TGM1: variants seen among roughly 807,000 people sequenced by gnomAD.
The protein encoded by TGM1 is protein-glutamine gamma-glutamyltransferase K.
A neutral mutation model predicts 88.7 loss-of-function variants in TGM1; 63 were observed. The ratio of observed to expected loss-of-function variants is 0.71; its 90% confidence interval spans 0.58 to 0.88. The LOEUF (loss-of-function observed/expected upper bound fraction) is 0.88. Among genes scored for constraint, TGM1 ranks in the 40% least tolerant of loss-of-function variants. The pLI is 0.00. For synonymous variants in TGM1, 415 were observed against 431.1 expected (o/e 0.96, Z 0.46); for missense variants, 996 against 1,118.0 (o/e 0.89, Z 1.56).
In TGM1 at chr14:24,255,527, G is replaced by T. The variant is rs2040743722; in HGVS notation, c.1492-10C>A. On this transcript the variant is annotated splice_polypyrimidine_tract_variant and intron_variant, in intron 10 of 14. Coordinates refer to ENST00000206765, the MANE Select transcript of TGM1 (RefSeq NM_000359.3). The surrounding 1 kb of genome is among the most constrained non-coding windows in gnomAD (Gnocchi z 4.0). ...CCTTGTCACTATTCACCTGTGGGGG[G>T]TGGGGGTGAGCAGGAATGAGTGAGC... 1.2e-6 allele frequency: 2 copies of T among 1,612,612 alleles called. No homozygotes were observed. Among genetic ancestry groups the T allele is most frequent in the Non-Finnish European group, 1.7e-6 (2 of 1,180,026 alleles).
At chr14:24,250,179 T>TGTGTGTGAGAGAGAGAGAGAGA (rs138497842) in intron 14 of TGM1, among the ~76,000 whole-genome samples, 1 of 140,700 alleles carries the variant, frequency 7.1e-6, no homozygotes, top group African/African-American at 2.7e-5. Flanking sequence ...TGTGTGTGTG[T>TGTGTGTGAGAGAGAGAGAGAGA]GAGAGAGACA....
intron 9 of TGM1, 78 bp downstream of exon 9, chr14:24,258,207 G>T: frequency 1.5e-6 from 2 of 1,294,646 alleles, no homozygotes; most frequent in South Asian, 1.2e-5. Context: ...GCCCGGCCCA[G>T]CACTGACACT....
intron 9 of TGM1, among the ~76,000 whole-genome samples, chr14:24,256,510 TGCTGGCTGGGAGAGCGAGGACACCACC>T: frequency 6.6e-6 from 1 of 152,352 alleles, no homozygotes; most frequent in South Asian, 2.1e-4. Flanking sequence ...TGGCCCTGCC[TGCTGGCTGGGAGAGCGAGGACACCACC>T]GCCACCACCA....
chr14:24,256,238 T>C (rs2040750449), intron 9 of TGM1, among the ~76,000 whole-genome samples, 161 bp from the exon 10 acceptor site: 1 of 152,070 alleles, frequency 6.6e-6, no homozygotes, highest in African/African-American at 2.4e-5. Context: ...ACCCAAACAC[T>C]TGGGGGTCAG....
Position 24,260,563 on chromosome 14 carries a change from G to A in TGM1, c.644C>T (p.Ala215Val), listed in dbSNP as rs1358709022. 1.2e-6 allele frequency: 2 copies of A among 1,614,110 alleles called. No individual in the cohort carries two copies. Among genetic ancestry groups the A allele is most frequent in the Non-Finnish European group, 1.7e-6 (2 of 1,180,052 alleles). Reference sequence around the variant, plus strand: ...TGTGAACTGAAACTTGCCGATGATGGCGTTGGGGGAAGTGTGGACCCGCAG... The same window carrying A: ...TGTGAACTGAAACTTGCCGATGATGACGTTGGGGGAAGTGTGGACCCGCAG... ...LNLRVHTSPNAIIGKFQFTVR... is the reference protein window; with the variant it reads ...LNLRVHTSPNVIIGKFQFTVR... The change falls in exon 4 of 15, where the codon GCC becomes GTC. Residue 215 changes from alanine (A) to valine (V), a missense_variant. Coordinates refer to ENST00000206765, the MANE Select transcript of TGM1 (RefSeq NM_000359.3).
At chr14:24,258,141 G>C in intron 9 of TGM1, 144 bp downstream of exon 9, 1 of 630,280 alleles carries the variant, frequency 1.6e-6, no homozygotes, top group Non-Finnish European at 2.9e-6. Context: ...TCCACGTGGT[G>C]GTTCAGCTGA....
At position 24,254,067 on chromosome 14, in the gene TGM1, CAG is replaced by C. The variant is rs1226314209; in HGVS notation, c.2225+83_2225+84del. On this transcript the variant is annotated intron_variant, in intron 14 of 14. Coordinates refer to ENST00000206765, the MANE Select transcript of TGM1 (RefSeq NM_000359.3). ...TCCTGACAGAACATACTTGTCCAGACAGAGAGGGAGCAAAGCTGGGAGCCAGG... is the reference window on the plus strand; with the variant it reads ...TCCTGACAGAACATACTTGTCCAGACAGAGGGAGCAAAGCTGGGAGCCAGG... 1.5e-5 allele frequency: 23 copies of C among 1,543,836 alleles called. No homozygotes were observed. In the African/African-American group the frequency reaches 2.0e-4, roughly 14 times the overall value.
intron 1 of TGM1, 42 bp from the exon 2 acceptor site, chr14:24,262,396 C>G: frequency 6.2e-7 from 1 of 1,603,166 alleles, no homozygotes; most frequent in Non-Finnish European, 8.5e-7. Flanking sequence ...CCAGGTAGTC[C>G]CAGCCAGTTG....
intron 14 of TGM1, among the ~76,000 whole-genome samples, chr14:24,253,504 G>T (rs1353194423): frequency 6.6e-6 from 1 of 152,056 alleles, no homozygotes; most frequent in African/African-American, 2.4e-5. Context: ...GACACACGGG[G>T]TCTCACTCTG....
At position 24,261,774 on chromosome 14, in the gene TGM1, G is replaced by A. The variant is rs144989372; in HGVS notation, c.429C>T (p.Arg143=). The A allele has an allele frequency of 4.3e-4, 694 of 1,614,146 alleles. 3 individuals carry two copies. The African/African-American group carries it at 7.5e-3, about 17-fold the overall frequency. Residue 143 remains arginine (R), a synonymous_variant, in exon 3 of 15, where the codon CGC becomes CGT. Transcript: ENST00000206765. ...GGAGGAGCATATGGAAAGGCTGCCC[G>A]CGGCGCACTATCAGCTCGTCGTACT... ...EYEYDELIVR[R]GQPFHMLLLL... is the part of the protein sequence containing the mutation.
At chr14:24,258,983 T>C in intron 7 of TGM1, 92 bp downstream of exon 7, 1 of 1,483,478 alleles carries the variant, frequency 6.7e-7, no homozygotes, top group African/African-American at 1.4e-5. Context: ...CACCCTGCAC[T>C]GTAGCCACAT....
rs1594568541 is a variant in TGM1 at position 24,256,042 on chromosome 14, T to TG, written c.1437dup (p.Ile480HisfsTer18). The TG allele has an allele frequency of 6.4e-7, 1 of 1,571,466 alleles. No individual in the cohort carries two copies. The highest frequency in any genetic ancestry group is 1.8e-5 in the Admixed American group (1 of 54,210). On this transcript the variant is annotated frameshift_variant, in exon 10 of 15. Transcript: ENST00000206765. LOFTEE classifies it high-confidence loss of function. ...TTCATGTAGACCAGGCCATTCTTGA[T>TG]GGACTCCACAGAGCAGGGGCCGCAG... is the stretch of plus-strand genomic sequence containing the variant.
chr14:24,254,759 T>C lies in TGM1; in HGVS notation c.1993A>G (p.Met665Val), dbSNP rs745449766. Residue 665 changes from methionine to valine, a missense_variant, in exon 13 of 15, where the codon ATG becomes GTG. Met to Val is a conservative substitution (Grantham distance 21). Coordinates refer to ENST00000206765, the MANE Select transcript of TGM1 (RefSeq NM_000359.3). ...ACGTGGCCTGAGACATTGAGCAGCATGGCCCCCTGGTCCACAAGATGGGGC... is the reference window on the plus strand; with the variant it reads ...ACGTGGCCTGAGACATTGAGCAGCACGGCCCCCTGGTCCACAAGATGGGGC... ...YRPHLVDQGA[M>V]LLNVSGHVKE... 5.6e-6 allele frequency: 9 copies of C among 1,614,052 alleles called. No homozygotes were observed. The highest frequency in any genetic ancestry group is 2.2e-5 in the South Asian group (2 of 91,086).
At position 24,259,645 on chromosome 14, in the gene TGM1, G is replaced by C; in HGVS notation, c.984+59C>G. 7.2e-7 allele frequency: 1 copy of C among 1,391,562 alleles called. No individual in the cohort carries two copies. Among genetic ancestry groups the C allele is most frequent in the African/African-American group, 1.4e-5 (1 of 70,310 alleles). 86.2% of individuals were successfully genotyped at this position (1,391,562 alleles called of 1,614,324 possible). ...TCCAGAAAGGGCAGGAGGAGGGTGGGGGTGTGGCGAGGCAGCAGGCACACA... is the reference window on the plus strand; with the variant it reads ...TCCAGAAAGGGCAGGAGGAGGGTGGCGGTGTGGCGAGGCAGCAGGCACACA... On this transcript the variant is annotated intron_variant, in intron 6 of 14. Transcript: ENST00000206765. The surrounding 1 kb of genome is among the most constrained non-coding windows in gnomAD (Gnocchi z 5.7).
At chr14:24,256,142 G>A in intron 9 of TGM1, 65 bp from the exon 10 acceptor site, 1 of 1,371,654 alleles carries the variant, frequency 7.3e-7, no homozygotes, top group Non-Finnish European at 1.0e-6. Context: ...TCAGACCCTG[G>A]GTAAGGTCCA....
chr14:24,262,002 G>A lies in TGM1; in HGVS notation c.319+32C>T, dbSNP rs187600739. On this transcript the variant is annotated intron_variant, in intron 2 of 14. Transcript: ENST00000206765. The stretch of plus-strand genomic sequence containing the variant: ...TCTCTGGTCCCATTAAAGCCTTTTA[G>A]CTCTCAGCTGAGGAGGACAGACCGG... 366 of 1,612,344 alleles carry A rather than the reference G, an allele frequency of 2.3e-4. 1 individual carries two copies. In the African/African-American group the frequency reaches 4.5e-3, roughly 20 times the overall value.
At position 24,260,703 on chromosome 14, in the gene TGM1, A is replaced by G. The variant is rs762617957; in HGVS notation, c.509-5T>C. On this transcript the variant is annotated splice_polypyrimidine_tract_variant and splice_region_variant and intron_variant, in intron 3 of 14. Coordinates refer to ENST00000206765, the MANE Select transcript of TGM1 (RefSeq NM_000359.3). ...TGCCCACCTCGGGGTTGTTTCCTAG[A>G]GTAGGAAATCAGCAATTAGCTGGCA... 6.2e-7 allele frequency: 1 copy of G among 1,614,010 alleles called. No individual in the cohort carries two copies. The highest frequency in any genetic ancestry group is 8.5e-7 in the Non-Finnish European group (1 of 1,179,996).
Position 24,256,058 on chromosome 14 carries a change from G to T in TGM1, c.1422C>A (p.Pro474=). Residue 474 remains proline, a synonymous_variant, in exon 10 of 15, where the codon CCC becomes CCA. Transcript: ENST00000206765. Reference sequence around the variant, plus strand: ...CATTCTTGATGGACTCCACAGAGCAGGGGCCGCAGCAGAAGATGCCTAGAG... The same window carrying T: ...CATTCTTGATGGACTCCACAGAGCATGGGCCGCAGCAGAAGATGCCTAGAG... The part of the protein sequence containing the change: ...ETSSGIFCCG[P]CSVESIKNGL... The T allele has an allele frequency of 6.4e-7, 1 of 1,568,886 alleles. No individual in the cohort carries two copies. The highest frequency in any genetic ancestry group is 8.7e-7 in the Non-Finnish European group (1 of 1,155,762).
rs538295056 is a variant in TGM1 at position 24,255,210 on chromosome 14, G to A, written c.1689C>T (p.His563=). 7 of 1,613,820 alleles carry A rather than the reference G, an allele frequency of 4.3e-6. No individual in the cohort carries two copies. Among genetic ancestry groups the A allele is most frequent in the East Asian group, 4.5e-5 (2 of 44,880 alleles). The part of the protein sequence containing the change: ...ERKAVETAAA[H]GSKPNVYANR... Reference sequence around the variant, plus strand: ...TGGCATACACATTGGGTTTGCTGCCGTGGGCTGCTGCTGTCTCTACTGCCT... The same window carrying A: ...TGGCATACACATTGGGTTTGCTGCCATGGGCTGCTGCTGTCTCTACTGCCT... Residue 563 remains histidine (H), a synonymous_variant, in exon 12 of 15, where the codon CAC becomes CAT. Coordinates refer to ENST00000206765, the MANE Select transcript of TGM1 (RefSeq NM_000359.3). This position sits in a 1 kb window ranked among gnomAD's most constrained non-coding sequence, Gnocchi z 4.0.
Sources: gnomAD v4.1 joint callset for allele counts (sites outside exome capture counted in the v4.1 genomes callset) on GRCh38, gnomAD v4.1.1 for gene constraint, Gnocchi (gnomAD v3.1) non-coding constraint, MANE v1.5 for transcripts, NCBI Gene and HGNC (gene_info 2026-07-23, HGNC 2026-07-21) for gene names.